ABI2: variants seen among roughly 807,000 people sequenced by gnomAD.
ABI2 encodes abelson interactor 2.
A neutral mutation model predicts 59.2 loss-of-function variants in ABI2; 25 were observed. The ratio of observed to expected loss-of-function variants is 0.42; its 90% CI spans 0.31 to 0.59. The LOEUF (loss-of-function observed/expected upper bound fraction) is 0.59. Among genes scored for constraint, ABI2 ranks in the 20% least tolerant of loss-of-function variants. The pLI, the probability that ABI2 is intolerant of heterozygous loss-of-function variation, is 0.14. For synonymous variants in ABI2, 213 were observed against 235.5 expected, an observed-to-expected ratio of 0.90 and a Z score of 0.87; for missense variants, 545 against 681.8, an observed-to-expected ratio of 0.80 and a Z score of 2.23.
At position 203,336,883 on chromosome 2, in the gene ABI2, A is replaced by C. The variant is rs191985690; in HGVS notation, c.117+8252A>C. Among the ~76,000 whole-genome samples the C allele has an allele frequency of 5.3e-5, 8 of 152,318 alleles. No homozygotes were observed. In the East Asian group the frequency reaches 1.5e-3, roughly 29 times the overall value. ...TACAAATTGCCAAACTCTTTTCCAAAAACGATGGTACCGTTTTGCGTTCCC... is the reference window on the plus strand; with the variant it reads ...TACAAATTGCCAAACTCTTTTCCAACAACGATGGTACCGTTTTGCGTTCCC... On this transcript the variant is annotated intron_variant, in intron 1 of 11. Transcript: ENST00000261018.
In ABI2 at chr2:203,376,900, CT is replaced by C. The variant is rs1283467350; in HGVS notation, c.286-3302del. Among the ~76,000 whole-genome samples, 3 of 152,164 alleles carry C rather than the reference CT, an allele frequency of 2.0e-5. No homozygotes were observed. In the East Asian group the frequency reaches 5.8e-4, roughly 29 times the overall value. ...CAGATTTCTAATTTATATTTTAATGCTTTTTTAAAGTCTCAATTTTTCAAAC... is the reference window on the plus strand; with the variant it reads ...CAGATTTCTAATTTATATTTTAATGCTTTTTAAAGTCTCAATTTTTCAAAC... On this transcript the variant is annotated intron_variant, in intron 2 of 11. Transcript: ENST00000261018.
intron 1 of ABI2, among the ~76,000 whole-genome samples, chr2:203,330,757 C>CA (rs930708163): frequency 3.3e-5 from 5 of 152,138 alleles, no homozygotes; most frequent in Non-Finnish European, 7.3e-5. Flanking sequence ...AAAAAATAAA[C>CA]AGATTTCTCT....
At chr2:203,330,331 A>G (rs2072265959) in intron 1 of ABI2, among the ~76,000 whole-genome samples, 2 of 151,614 alleles carry the variant, frequency 1.3e-5, no homozygotes, top group South Asian at 4.2e-4. Flanking sequence ...CTTTGCTGAT[A>G]CAAGTGGGGT....
intron 1 of ABI2, among the ~76,000 whole-genome samples, chr2:203,343,920 A>G (rs2081564553): frequency 6.6e-6 from 1 of 152,130 alleles, no homozygotes; most frequent in African/African-American, 2.4e-5. Flanking sequence ...GCTTGAGCCC[A>G]GGAGTTTGAG....
At chr2:203,379,974 G>A (rs2096006195) in intron 2 of ABI2, among the ~76,000 whole-genome samples, 1 of 152,152 alleles carries the variant, frequency 6.6e-6, no homozygotes, top group Admixed American at 6.5e-5. Context: ...ACCACTCTTA[G>A]CTTGTGGGCT....
intron 11 of ABI2, among the ~76,000 whole-genome samples, chr2:203,419,770 C>T (rs1000370704): frequency 2.0e-5 from 3 of 152,028 alleles, no homozygotes; most frequent in African/African-American, 7.2e-5. Flanking sequence ...GGGCCGAACA[C>T]CTGAGGTTGG....
intron 1 of ABI2, among the ~76,000 whole-genome samples, chr2:203,348,920 T>TTTTG (rs377359440): frequency 1.8e-4 from 28 of 152,056 alleles, no homozygotes; most frequent in African/African-American, 2.4e-4. Flanking sequence ...TTTTTTTGTT[T>TTTTG]TTTGTTTGTT....
At chr2:203,351,293 G>A (rs955680919) in intron 1 of ABI2, among the ~76,000 whole-genome samples, 8 of 151,750 alleles carry the variant, frequency 5.3e-5, no homozygotes, top group Admixed American at 6.6e-5. Context: ...TTGTTCTTCC[G>A]TTTCAGGATT....
rs528273885 is a variant in ABI2, at chr2:203,419,171, G to A, written c.1453+2090G>A. Among the ~76,000 whole-genome samples the A allele has an allele frequency of 6.7e-4, 100 of 148,436 alleles. 1 individual carries two copies. The highest frequency in any genetic ancestry group is 2.3e-3 in the African/African-American group (92 of 39,918). ...GTTGCCCAGGCTGGAGTGCAATGGCGTGATCTCAGCTCACAGCAACCTCCA... is the reference window on the plus strand; with the variant it reads ...GTTGCCCAGGCTGGAGTGCAATGGCATGATCTCAGCTCACAGCAACCTCCA... On this transcript the variant is annotated intron_variant, in intron 11 of 11. Transcript: ENST00000261018.
At chr2:203,385,689 C>T (rs141122054) in intron 4 of ABI2, among the ~76,000 whole-genome samples, 2 of 152,270 alleles carry the variant, frequency 1.3e-5, no homozygotes, top group African/African-American at 2.4e-5. Flanking sequence ...GACACAGCAC[C>T]TGGAGGAAAA....
intron 1 of ABI2, among the ~76,000 whole-genome samples, chr2:203,361,820 T>G (rs922329587): frequency 2.6e-5 from 4 of 152,200 alleles, no homozygotes; most frequent in Non-Finnish European, 5.9e-5. Context: ...TAGTGTCATT[T>G]ATTGAGCGAG....
Position 203,382,223 on chromosome 2 carries a change from C to T in ABI2, c.480+17C>T. 1 of 1,525,086 alleles carries T rather than the reference C, an allele frequency of 6.6e-7. No individual in the cohort carries two copies. Among genetic ancestry groups the T allele is most frequent in the East Asian group, 2.5e-5 (1 of 40,330 alleles). 94.5% of individuals were successfully genotyped at this position (1,525,086 alleles called of 1,614,324 possible). A position where few individuals can be genotyped will look rare whatever the true frequency, so the allele number is the denominator to read the frequency against. On this transcript the variant is annotated intron_variant, in intron 4 of 11. Coordinates refer to ENST00000261018, the MANE Select transcript of ABI2 (RefSeq NM_001375670.1). ...AGATTTAAGGTAAGAGATTCCAGGG[C>T]TGGATTTCCATTCTTTGTTCTTATG...
chr2:203,404,288 C>T (rs2097340174), intron 9 of ABI2, among the ~76,000 whole-genome samples: 1 of 152,156 alleles, frequency 6.6e-6, no homozygotes, highest in African/African-American at 2.4e-5. Context: ...CTTCACTGTT[C>T]TGGGTCCCTC....
chr2:203,328,866 C>T (rs1435992418), intron 1 of ABI2: 1 of 321,940 alleles, frequency 3.1e-6, no homozygotes. Flanking sequence ...GTGCGTGTGT[C>T]GCGTCCCGCC....
At chr2:203,355,205 A>T (rs539589218) in intron 1 of ABI2, 2 of 403,108 alleles carry the variant, frequency 5.0e-6, no homozygotes, top group African/African-American at 4.0e-5. Flanking sequence ...CAAAGAATAC[A>T]TGGAAAGTTA....
Position 203,427,441 on chromosome 2 carries a change from G to T in ABI2, c.*89G>T, listed in dbSNP as rs1581200526. 1.7e-6 allele frequency: 2 copies of T among 1,160,902 alleles called. No homozygotes were observed. The highest frequency in any genetic ancestry group is 5.0e-5 in the East Asian group (2 of 40,146). The allele number at this position is 1,160,902 out of a possible 1,614,324, so 71.9% of individuals were successfully genotyped here. A position where few individuals can be genotyped will look rare whatever the true frequency, so the allele number is the denominator to read the frequency against. On this transcript the variant is annotated 3_prime_UTR_variant, in exon 12 of 12. Coordinates refer to ENST00000261018, the MANE Select transcript of ABI2 (RefSeq NM_001375670.1). Reference sequence around the variant, plus strand: ...CTGGGGATTCCACTCCAGTAAAGTAGAATGAAGGATACAAATGATAAAAAT... The same window carrying T: ...CTGGGGATTCCACTCCAGTAAAGTATAATGAAGGATACAAATGATAAAAAT...
At chr2:203,369,622 A>G (rs1480392153) in intron 2 of ABI2, among the ~76,000 whole-genome samples, 1 of 152,210 alleles carries the variant, frequency 6.6e-6, no homozygotes, top group Non-Finnish European at 1.5e-5. Flanking sequence ...TGGATTAAGT[A>G]AAAAACAGAA....
At chr2:203,366,226 G>A (rs2094428697) in intron 1 of ABI2, among the ~76,000 whole-genome samples, 1 of 152,166 alleles carries the variant, frequency 6.6e-6, no homozygotes, top group Admixed American at 6.5e-5. Context: ...GGCTGAGGCA[G>A]GCCAATGAAT....
intron 7 of ABI2, 74 bp from the exon 8 acceptor site, chr2:203,396,711 C>T (rs1305985939): frequency 7.1e-6 from 10 of 1,407,328 alleles, no homozygotes. Flanking sequence ...ACATTAAATA[C>T]TCTAATACCT....
Sources: gnomAD v4.1 joint callset for allele counts (sites outside exome capture counted in the v4.1 genomes callset) on GRCh38, gnomAD v4.1.1 for gene constraint, MANE v1.5 for transcripts, NCBI Gene and HGNC (gene_info 2026-07-23, HGNC 2026-07-21) for gene names.